The following GRIK4 variants were observed in gnomAD, a reference collection of about 807,000 sequenced individuals.
GRIK4 encodes the protein glutamate receptor ionotropic, kainate 4.
In GRIK4, 40 loss-of-function variants were observed where a neutral mutation model predicts 104.9. The observed-to-expected ratio is 0.38, with a 90% CI of 0.30 to 0.50. GRIK4 has a LOEUF of 0.50. Among genes scored for constraint, GRIK4 ranks in the 20% least tolerant of loss-of-function variants. GRIK4 has a pLI of 0.93. For synonymous variants in GRIK4, 485 were observed against 524.9 expected, an observed-to-expected ratio of 0.92 and a Z score of 1.04; for missense variants, 1,047 against 1,308.1, an observed-to-expected ratio of 0.80 and a Z score of 3.08.
At chr11:120,545,470 A>G (rs1948076862) in intron 1 of GRIK4, among the ~76,000 whole-genome samples, 1 of 152,198 alleles carries the variant, frequency 6.6e-6, no homozygotes, top group Non-Finnish European at 1.5e-5. Context: ...ACTGGCATGG[A>G]ATGAGTAATT....
intron 6 of GRIK4, among the ~76,000 whole-genome samples, chr11:120,822,232 A>AAAAAAAAAAAG (rs796180829): frequency 1.4e-5 from 2 of 147,078 alleles, no homozygotes; most frequent in African/African-American, 5.4e-5. Context: ...AAAAAAAAAA[A>AAAAAAAAAAAG]AAAGACAGTA....
At chr11:120,544,130 G>C (rs1168571663) in intron 1 of GRIK4, among the ~76,000 whole-genome samples, 1 of 152,158 alleles carries the variant, frequency 6.6e-6, no homozygotes, top group African/African-American at 2.4e-5. Context: ...GATAGTAAGC[G>C]TTCTTACCAT....
chr11:120,682,007 G>A (rs1219462637), intron 3 of GRIK4, among the ~76,000 whole-genome samples: 1 of 152,168 alleles, frequency 6.6e-6, no homozygotes, highest in African/African-American at 2.4e-5. Flanking sequence ...ATATCACTGG[G>A]CAATAAAACT....
chr11:120,571,422 A>T (rs553116689), intron 1 of GRIK4, among the ~76,000 whole-genome samples: 1 of 152,132 alleles, frequency 6.6e-6, no homozygotes, highest in East Asian at 1.9e-4. Context: ...TGTAGCTTAC[A>T]TGTTCCTTTT....
chr11:120,980,600 G>T (rs139417017), intron 19 of GRIK4, among the ~76,000 whole-genome samples: 6 of 152,274 alleles, frequency 3.9e-5, no homozygotes, highest in Non-Finnish European at 8.8e-5. Context: ...CCAAATATAG[G>T]TGTTTTAAGG....
chr11:120,954,806 CACACACACACACACACACACACACAA>C (rs1162198538), intron 15 of GRIK4, among the ~76,000 whole-genome samples: 2,981 of 64,542 alleles, frequency 0.046, 112 homozygotes, highest in African/African-American at 0.13. Flanking sequence ...CACACACACA[CACACACACACACACACACACACACAA>C]ACAATACTGG....
intron 3 of GRIK4, among the ~76,000 whole-genome samples, chr11:120,761,836 A>G (rs1461785660): frequency 6.6e-6 from 1 of 151,998 alleles, no homozygotes; most frequent in African/African-American, 2.4e-5. Context: ...GTACCATGCT[A>G]TTTTGGTTAC....
At chr11:120,668,308 AAAAG>A (rs769935349) in intron 3 of GRIK4, among the ~76,000 whole-genome samples, 1 of 151,506 alleles carries the variant, frequency 6.6e-6, no homozygotes, top group African/African-American at 2.4e-5. Flanking sequence ...AAAAGAAAAG[AAAAG>A]AAGAAAGGAA....
In GRIK4 at chr11:120,771,915, T is replaced by C. The variant is rs569424062; in HGVS notation, c.83-30778T>C. Among the ~76,000 whole-genome samples, 6 of 152,358 alleles carry C rather than the reference T, an allele frequency of 3.9e-5. No homozygotes were observed. The East Asian group carries it at 1.2e-3, about 29-fold the overall frequency. On this transcript the variant is annotated intron_variant, in intron 3 of 20. Coordinates refer to ENST00000527524, the MANE Select transcript of GRIK4 (RefSeq NM_014619.5). ...AACCCCCACTTGGGCAATTGCCCAG[T>C]AGAACCACAGGGGTAGAACTACCCT...
chr11:120,923,150 G>A (rs978845526), intron 13 of GRIK4, among the ~76,000 whole-genome samples: 1 of 152,160 alleles, frequency 6.6e-6, no homozygotes, highest in Non-Finnish European at 1.5e-5. Context: ...TGGCCGGTAA[G>A]TCCAGCAAGT....
chr11:120,964,105 C>T (rs1373069565), intron 18 of GRIK4, among the ~76,000 whole-genome samples: 1 of 151,976 alleles, frequency 6.6e-6, no homozygotes, highest in Non-Finnish European at 1.5e-5. Context: ...GATTCTCATA[C>T]CTCAGCCTCC....
At chr11:120,588,442 G>A (rs1246747903) in intron 1 of GRIK4, among the ~76,000 whole-genome samples, 1 of 152,152 alleles carries the variant, frequency 6.6e-6, no homozygotes, top group Non-Finnish European at 1.5e-5. Flanking sequence ...TCAATGGGAT[G>A]GGGAGACCGC....
rs149864040 is a variant in GRIK4, at chr11:120,904,240, C to T, written c.1273-1050C>T. Reference sequence around the variant, plus strand: ...ACACCCAGTGGGTCACTTCTGCCTGCGTAGCCTGCCAGCACCTCAGATTCA... The same window carrying T: ...ACACCCAGTGGGTCACTTCTGCCTGTGTAGCCTGCCAGCACCTCAGATTCA... On this transcript the variant is annotated intron_variant, in intron 12 of 20. Transcript: ENST00000527524. 1.6e-3 allele frequency among the ~76,000 whole-genome samples: 246 copies of T among 152,262 alleles called. 6 individuals are homozygous for T. The East Asian group carries it at 0.045, about 28-fold the overall frequency.
intron 2 of GRIK4, among the ~76,000 whole-genome samples, chr11:120,656,216 A>G (rs770171848): frequency 1.3e-4 from 20 of 152,212 alleles, no homozygotes; most frequent in Non-Finnish European, 2.4e-4. Flanking sequence ...TTTGGTGAAG[A>G]ATCTGAAAGC....
At chr11:120,873,702 T>C in intron 9 of GRIK4, 1 of 186,780 alleles carries the variant, frequency 5.4e-6, no homozygotes, top group Non-Finnish European at 1.1e-5. Flanking sequence ...CTTTCTCTTC[T>C]TGACATAAGC....
Position 120,647,164 on chromosome 11 carries a change from C to T in GRIK4, c.-158-6521C>T, listed in dbSNP as rs184536502. On this transcript the variant is annotated intron_variant, in intron 1 of 20. Transcript: ENST00000527524. Reference sequence around the variant, plus strand: ...CTCTGGACCTGCCAGGGCTCTGCTTCCCTTGGAGAACCACCATACGCTCCT... The same window carrying T: ...CTCTGGACCTGCCAGGGCTCTGCTTTCCTTGGAGAACCACCATACGCTCCT... Among the ~76,000 whole-genome samples the T allele has an allele frequency of 6.6e-5, 10 of 152,340 alleles. No homozygotes were observed. In the East Asian group the frequency reaches 1.9e-3, roughly 29 times the overall value.
chr11:120,926,932 A>G (rs576582168), intron 13 of GRIK4, among the ~76,000 whole-genome samples: 1 of 152,242 alleles, frequency 6.6e-6, no homozygotes, highest in Non-Finnish European at 1.5e-5. Flanking sequence ...AGAGGGGCCC[A>G]TTAAGTGGGC....
intron 11 of GRIK4, among the ~76,000 whole-genome samples, chr11:120,885,388 T>TC (rs1156250503): frequency 6.7e-6 from 1 of 149,278 alleles, no homozygotes; most frequent in African/African-American, 2.4e-5. Context: ...AAATTCTTCT[T>TC]TTTTTTTTTT....
intron 6 of GRIK4, among the ~76,000 whole-genome samples, chr11:120,827,040 C>T (rs1040506355): frequency 2.0e-5 from 3 of 152,142 alleles, no homozygotes; most frequent in Admixed American, 6.5e-5. Context: ...CACCACAATC[C>T]GCAAAGATCA....
Sources: gnomAD v4.1 joint callset for allele counts (sites outside exome capture counted in the v4.1 genomes callset) on GRCh38, gnomAD v4.1.1 for gene constraint, MANE v1.5 for transcripts, NCBI Gene and HGNC (gene_info 2026-07-23, HGNC 2026-07-21) for gene names.